The following TMEM74 variants were observed in gnomAD, a reference collection of about 807,000 sequenced individuals.
TMEM74 encodes the protein transmembrane protein 74.
In TMEM74, 13 loss-of-function variants were observed where a neutral mutation model predicts 18.1. The observed-to-expected ratio is 0.72, with a 90% CI of 0.47 to 1.14. The LOEUF (loss-of-function observed/expected upper bound fraction) is 1.14. Ranked by LOEUF, TMEM74 falls within the 50% of genes most tolerant of loss-of-function variation. The pLI is 0.00. For synonymous variants in TMEM74, 159 were observed against 146.6 expected (o/e 1.08, Z -0.61); for missense variants, 372 against 375.9 (o/e 0.99, Z 0.09).
intron 1 of TMEM74, among the ~76,000 whole-genome samples, chr8:108,708,635 A>G (rs1042421127): frequency 4.6e-5 from 7 of 152,012 alleles, no homozygotes; most frequent in African/African-American, 1.4e-4. Flanking sequence ...GCATTTTTTC[A>G]TATGCTTCTT....
intron 1 of TMEM74, among the ~76,000 whole-genome samples, chr8:108,719,023 T>A (rs1813558827): frequency 6.6e-6 from 1 of 151,726 alleles, no homozygotes; most frequent in South Asian, 2.1e-4. Flanking sequence ...TATATTTGTA[T>A]CCTTGTAGTC....
At chr8:108,778,696 C>T (rs1399385534), downstream of TMEM74, among the ~76,000 whole-genome samples, 2 of 152,108 alleles carry the variant, frequency 1.3e-5, no homozygotes, top group Non-Finnish European at 2.9e-5. Context: ...AATTGTGATA[C>T]ATTCTTCAAA....
intron 1 of TMEM74, among the ~76,000 whole-genome samples, chr8:108,697,848 A>T (rs540533044): frequency 6.6e-6 from 1 of 152,124 alleles, no homozygotes; most frequent in Non-Finnish European, 1.5e-5. Flanking sequence ...TTTTGTGATG[A>T]TGTTACCCGT....
intron 1 of TMEM74, among the ~76,000 whole-genome samples, chr8:108,755,049 A>C (rs75724741): frequency 6.6e-6 from 1 of 152,218 alleles, no homozygotes; most frequent in Non-Finnish European, 1.5e-5. Context: ...GGACACACCC[A>C]GAAATAATGT....
chr8:108,620,148 A>G (rs1812425210), intron 2 of TMEM74, among the ~76,000 whole-genome samples: 1 of 152,190 alleles, frequency 6.6e-6, no homozygotes, highest in Non-Finnish European at 1.5e-5. Context: ...ATGTTAATGC[A>G]TGTATGTTAT....
chr8:108,651,964 CA>C (rs1278576137), intron 2 of TMEM74, among the ~76,000 whole-genome samples: 1 of 151,248 alleles, frequency 6.6e-6, no homozygotes, highest in Non-Finnish European at 1.5e-5. Flanking sequence ...AATCCTAGTG[CA>C]AAAGTCAATA....
At chr8:108,711,259 A>G (rs1251513255) in intron 1 of TMEM74, among the ~76,000 whole-genome samples, 2 of 152,096 alleles carry the variant, frequency 1.3e-5, no homozygotes, top group African/African-American at 4.8e-5. Flanking sequence ...TGGAGGTTCC[A>G]CTCCTGGTCT....
chr8:108,681,472 A>G (rs1394673728), intron 1 of TMEM74, among the ~76,000 whole-genome samples: 5 of 152,242 alleles, frequency 3.3e-5, no homozygotes, highest in African/African-American at 1.2e-4. Flanking sequence ...ATATGTGGAA[A>G]GCTGAAACTG....
At chr8:108,758,199 TAAAAC>T (rs1350043462) in intron 1 of TMEM74, among the ~76,000 whole-genome samples, 2 of 151,440 alleles carry the variant, frequency 1.3e-5, no homozygotes, top group Non-Finnish European at 1.5e-5. Context: ...AACCACAAAA[TAAAAC>T]AAAACAGAAC....
chr8:108,637,292 A>T (rs1664197242), intron 2 of TMEM74, among the ~76,000 whole-genome samples: 1 of 152,128 alleles, frequency 6.6e-6, no homozygotes, highest in Admixed American at 6.6e-5. Context: ...CATATTTATT[A>T]TATAATTTTT....
chr8:108,676,457 G>C (rs1181270037), intron 1 of TMEM74, among the ~76,000 whole-genome samples: 1 of 152,054 alleles, frequency 6.6e-6, no homozygotes, highest in Non-Finnish European at 1.5e-5. Flanking sequence ...CACACAAGCT[G>C]TTCCCTCTGC....
At chr8:108,744,893 T>A (rs1813834643) in intron 1 of TMEM74, among the ~76,000 whole-genome samples, 1 of 152,158 alleles carries the variant, frequency 6.6e-6, no homozygotes, top group African/African-American at 2.4e-5. Flanking sequence ...ATGGATAATG[T>A]TGCTAACAGC....
intron 1 of TMEM74, among the ~76,000 whole-genome samples, chr8:108,742,082 TG>T (rs1813806549): frequency 6.6e-6 from 1 of 152,044 alleles, no homozygotes; most frequent in Non-Finnish European, 1.5e-5. Flanking sequence ...CCCTTCTAAG[TG>T]GGACCTGAAT....
At chr8:108,673,369 A>T (rs141299465) in intron 1 of TMEM74, among the ~76,000 whole-genome samples, 290 of 152,346 alleles carry the variant, frequency 1.9e-3, no homozygotes, top group Middle Eastern at 6.8e-3. Context: ...ACATGATCTC[A>T]GACACAGGGC....
chr8:108,704,152 G>A (rs952590720), intron 1 of TMEM74, among the ~76,000 whole-genome samples: 1 of 152,206 alleles, frequency 6.6e-6, no homozygotes, highest in African/African-American at 2.4e-5. Flanking sequence ...TATCTTGGAA[G>A]AGAAGAGAGT....
At chr8:108,726,048 T>C (rs1813634958) in intron 1 of TMEM74, among the ~76,000 whole-genome samples, 1 of 152,202 alleles carries the variant, frequency 6.6e-6, no homozygotes, top group Admixed American at 6.5e-5. Context: ...CAATATACTA[T>C]CAGATTTATT....
At chr8:108,640,929 T>C (rs1812660012) in intron 2 of TMEM74, among the ~76,000 whole-genome samples, 1 of 152,188 alleles carries the variant, frequency 6.6e-6, no homozygotes, top group South Asian at 2.1e-4. Flanking sequence ...GTCATCACTT[T>C]AGCCATTTAT....
chr8:108,655,737 G>C (rs2130575452), intron 1 of TMEM74, among the ~76,000 whole-genome samples: 1 of 152,130 alleles, frequency 6.6e-6, no homozygotes, highest in South Asian at 2.1e-4. Flanking sequence ...GGTCTTTCCT[G>C]CCACAGCTGG....
At chr8:108,644,535 A>G (rs1244771710) in intron 2 of TMEM74, among the ~76,000 whole-genome samples, 4 of 152,196 alleles carry the variant, frequency 2.6e-5, no homozygotes, top group African/African-American at 9.7e-5. Flanking sequence ...TCTGCACTGC[A>G]AAAGAAACTG....
Sources: gnomAD v4.1 joint callset for allele counts (sites outside exome capture counted in the v4.1 genomes callset) on GRCh38, gnomAD v4.1.1 for gene constraint, MANE v1.5 for transcripts, NCBI Gene and HGNC (gene_info 2026-07-23, HGNC 2026-07-21) for gene names.